Variants in SYNPR observed in about 807,000 individuals in gnomAD.
The protein encoded by SYNPR is synaptoporin.
A neutral mutation model predicts 32.9 loss-of-function variants in SYNPR; 23 were observed. The ratio of observed to expected loss-of-function variants is 0.70; its 90% confidence interval spans 0.50 to 0.99. SYNPR has a LOEUF of 0.99. Ranked by LOEUF, SYNPR falls within the 50% of genes least tolerant of loss-of-function variation. The pLI, the probability that SYNPR is intolerant of heterozygous loss-of-function variation, is 0.00. For missense variants in SYNPR, 318 were observed against 349.3 expected, an observed-to-expected ratio of 0.91 and a Z score of 0.71; for synonymous variants, 146 against 135.9, an observed-to-expected ratio of 1.07 and a Z score of -0.52.
intron 2 of SYNPR, among the ~76,000 whole-genome samples, chr3:63,343,483 C>T (rs2087395201): frequency 6.6e-6 from 1 of 152,130 alleles, no homozygotes; most frequent in African/African-American, 2.4e-5. Context: ...AGAGTGAGGA[C>T]ATTGTTTGGA....
At chr3:63,427,325 G>A (rs1699911644) in intron 2 of SYNPR, 1 of 151,798 alleles carries the variant, frequency 6.6e-6, no homozygotes, top group African/African-American at 2.4e-5. Flanking sequence ...AGTTACTTTG[G>A]TTACAGCTCA....
At chr3:63,398,793 G>A (rs2088252297) in intron 2 of SYNPR, among the ~76,000 whole-genome samples, 1 of 151,764 alleles carries the variant, frequency 6.6e-6, no homozygotes, top group Non-Finnish European at 1.5e-5. Context: ...ACTAAATGGT[G>A]GGAGAATCTA....
intron 3 of SYNPR, among the ~76,000 whole-genome samples, chr3:63,522,281 T>C (rs1701931973): frequency 6.6e-6 from 1 of 152,234 alleles, no homozygotes. Flanking sequence ...TGTCTCACTT[T>C]ATCCAAGGAA....
chr3:63,305,466 G>T (rs917380652), intron 2 of SYNPR, among the ~76,000 whole-genome samples: 1 of 152,006 alleles, frequency 6.6e-6, no homozygotes, highest in Non-Finnish European at 1.5e-5. Context: ...CCAAACAATT[G>T]AAAGCTTGTT....
At chr3:63,308,792 G>A (rs1336151454) in intron 2 of SYNPR, among the ~76,000 whole-genome samples, 1 of 151,520 alleles carries the variant, frequency 6.6e-6, no homozygotes, top group Admixed American at 6.6e-5. Flanking sequence ...ACTTTGGTAT[G>A]GTTTTCTTCA....
At chr3:63,597,897 C>A (rs1246609602) in intron 4 of SYNPR, among the ~76,000 whole-genome samples, 3 of 152,316 alleles carry the variant, frequency 2.0e-5, no homozygotes, top group East Asian at 1.9e-4. Flanking sequence ...CCTTCCAAGA[C>A]AAGTCCAAAG....
At chr3:63,437,955 T>A (rs1457990024) in intron 2 of SYNPR, among the ~76,000 whole-genome samples, 1 of 152,190 alleles carries the variant, frequency 6.6e-6, no homozygotes, top group Admixed American at 6.5e-5. Flanking sequence ...AAAGTGACTC[T>A]AGAGGGACAA....
chr3:63,278,493 A>T lies in SYNPR; in HGVS notation c.-41A>T. ...GTGGTGCCAAGCGAACTTCATTTTT[A>T]AAAAGAACTGGTGGATGAGAAGAGC... On this transcript the variant is annotated 5_prime_UTR_variant, in exon 1 of 6. Transcript: ENST00000478300. 4 of 1,537,918 alleles carry T rather than the reference A, an allele frequency of 2.6e-6. No individual in the cohort carries two copies. The highest frequency in any genetic ancestry group is 3.5e-6 in the Non-Finnish European group (4 of 1,139,894).
rs111892919 is a variant in SYNPR at position 63,398,366 on chromosome 3, A to C, written c.85-82466A>C. 1.6e-3 allele frequency among the ~76,000 whole-genome samples: 246 copies of C among 152,220 alleles called. 4 individuals carry two copies. The highest frequency in any genetic ancestry group is 0.01 in the Middle Eastern group (3 of 294). ...TGGTATCTAGAATGAAGAGATATGC[A>C]CTCTTTATTCTCTGCCATGTCAAAT... is the stretch of plus-strand genomic sequence containing the variant. On this transcript the variant is annotated intron_variant, in intron 2 of 5. Coordinates refer to ENST00000478300, the MANE Select transcript of SYNPR (RefSeq NM_001130003.2).
At chr3:63,341,830 G>A (rs990315736) in intron 2 of SYNPR, among the ~76,000 whole-genome samples, 5 of 152,146 alleles carry the variant, frequency 3.3e-5, no homozygotes, top group Non-Finnish European at 5.9e-5. Context: ...TCACAAAGCA[G>A]ATGTTTTTTA....
chr3:63,397,571 C>A (rs547413925), intron 2 of SYNPR, among the ~76,000 whole-genome samples: 1 of 152,296 alleles, frequency 6.6e-6, no homozygotes, highest in South Asian at 2.1e-4. Context: ...AAAACCACTA[C>A]ATTCAGCAAT....
upstream of SYNPR, among the ~76,000 whole-genome samples, chr3:63,276,374 T>A (rs1396949186): frequency 3.3e-5 from 5 of 152,158 alleles, no homozygotes; most frequent in Admixed American, 3.3e-4. Context: ...TCTTCCCCTT[T>A]GCTTCTATAG....
At chr3:63,410,270 C>A (rs1474322302) in intron 2 of SYNPR, among the ~76,000 whole-genome samples, 2 of 152,106 alleles carry the variant, frequency 1.3e-5, no homozygotes, top group South Asian at 2.1e-4. Flanking sequence ...CCACTGAAAT[C>A]ATGAACTTAA....
intron 2 of SYNPR, among the ~76,000 whole-genome samples, chr3:63,264,718 T>C (rs1388587013): frequency 6.6e-6 from 1 of 152,198 alleles, no homozygotes; most frequent in African/African-American, 2.4e-5. Flanking sequence ...AGAGGTTCAA[T>C]TGACTCACAG....
In SYNPR at chr3:63,588,563, T is replaced by C. The variant is rs569032247; in HGVS notation, c.409-20562T>C. On this transcript the variant is annotated intron_variant, in intron 4 of 5. Coordinates refer to ENST00000478300, the MANE Select transcript of SYNPR (RefSeq NM_001130003.2). ...AAAAAATGCATAAACATAAGAAAGA[T>C]TGATATGGTGTTCAATAAGCATCCC... Among the ~76,000 whole-genome samples, 92 of 152,214 alleles carry C rather than the reference T, an allele frequency of 6.0e-4. 1 individual carries two copies. In the Middle Eastern group the frequency reaches 0.01, roughly 17 times the overall value.
chr3:63,472,293 T>C (rs1700816809), intron 2 of SYNPR, among the ~76,000 whole-genome samples: 1 of 152,196 alleles, frequency 6.6e-6, no homozygotes, highest in African/African-American at 2.4e-5. Context: ...AAGGCAGACC[T>C]GACTGCTTCA....
intron 3 of SYNPR, among the ~76,000 whole-genome samples, chr3:63,489,462 G>A (rs1415273603): frequency 6.6e-6 from 1 of 152,056 alleles, no homozygotes; most frequent in East Asian, 1.9e-4. Context: ...GATACGGGTG[G>A]GCAACCAACA....
intron 3 of SYNPR, among the ~76,000 whole-genome samples, chr3:63,543,356 G>A (rs1702341185): frequency 6.6e-6 from 1 of 152,056 alleles, no homozygotes; most frequent in South Asian, 2.1e-4. Context: ...TTACTTGTAA[G>A]ACTTATTTGT....
intron 2 of SYNPR, among the ~76,000 whole-genome samples, chr3:63,421,903 C>A (rs1471181349): frequency 6.6e-6 from 1 of 152,208 alleles, no homozygotes; most frequent in African/African-American, 2.4e-5. Flanking sequence ...TTTTTCAAAT[C>A]TTTGTGGCTT....
Sources: allele counts gnomAD v4.1 joint callset (sites outside exome capture counted in the v4.1 genomes callset), GRCh38; gene constraint gnomAD v4.1.1; transcripts MANE v1.5; gene names NCBI Gene and HGNC (gene_info 2026-07-23, HGNC 2026-07-21).